Variants in HDAC10 observed in about 807,000 individuals in gnomAD.
HDAC10 encodes polyamine deacetylase HDAC10.
Under a neutral mutation model 82.3 loss-of-function variants are expected in HDAC10, and 90 were observed. The ratio of observed to expected loss-of-function variants is 1.09; its 90% CI spans 0.92 to 1.30. HDAC10 has a LOEUF of 1.30. Among genes scored for constraint, HDAC10 ranks in the 50% most tolerant of loss-of-function variants. The pLI is 0.00. For synonymous variants in HDAC10, 456 were observed against 391.7 expected (o/e 1.16, Z -1.94); for missense variants, 934 against 876.3 (o/e 1.07, Z -0.83).
At chr22:50,246,265 G>A (rs1189266646) in intron 17 of HDAC10, 33 bp downstream of exon 17, 1 of 1,595,212 alleles carries the variant, frequency 6.3e-7, no homozygotes, top group Non-Finnish European at 8.6e-7. Context: ...GGGCTCCCCA[G>A]CACCTGCCTT....
rs145761730 is a variant in HDAC10 at position 50,246,281 on chromosome 22, G to A, written c.1650+17C>T. The A allele has an allele frequency of 6.3e-5, 101 of 1,609,000 alleles. No individual in the cohort carries two copies. The African/African-American group carries it at 9.7e-4, about 16-fold the overall frequency. On this transcript the variant is annotated intron_variant, in intron 17 of 19. Transcript: ENST00000216271. ...GGCTCCCCAGCACCTGCCTTGCCGC[G>A]TGGCATGGTCACTCACCACTGGCAG...
rs760617656 is a variant in HDAC10, at chr22:50,248,008, C to T, written c.1219G>A (p.Ala407Thr). 1.9e-6 allele frequency: 3 copies of T among 1,612,766 alleles called. No homozygotes were observed. The highest frequency in any genetic ancestry group is 2.5e-6 in the Non-Finnish European group (3 of 1,179,956). Reference protein sequence around the residue: ...SLLDQPCLCPAPSVRTAVALT... With the variant: ...SLLDQPCLCPTPSVRTAVALT... ...GCAACAGCGGTGCGGACAGAGGGTG[C>T]GGGGCAGAGGCACGGCTGGTCCAGG... Residue 407 changes from alanine (A) to threonine (T), a missense_variant, in exon 13 of 20, where the codon GCA becomes ACA. By Grantham distance (58) the Ala-to-Thr change is moderately conservative (BLOSUM62 0). Transcript: ENST00000216271. This position sits in a 1 kb window ranked among gnomAD's most constrained non-coding sequence, Gnocchi z 5.4.
At chr22:50,247,588 T>C in intron 14 of HDAC10, 104 bp downstream of exon 14, 1 of 809,772 alleles carries the variant, frequency 1.2e-6, no homozygotes, top group Non-Finnish European at 2.0e-6. Flanking sequence ...TCCATGTGGT[T>C]CTGCACCACC....
At chr22:50,245,866 T>G (rs768275458) in intron 18 of HDAC10, 39 bp from the exon 19 acceptor site, 1 of 1,554,000 alleles carries the variant, frequency 6.4e-7, no homozygotes, top group South Asian at 1.2e-5. Context: ...CACTGGTCCT[T>G]TCCCTCGTCC....
intron 14 of HDAC10, 146 bp downstream of exon 14, chr22:50,247,546 G>C (rs534821060): frequency 3.3e-6 from 2 of 615,194 alleles, no homozygotes; most frequent in East Asian, 5.6e-5. Flanking sequence ...GGCTGTTCTG[G>C]GAACAGTTCC....
chr22:50,248,079 G>C lies in HDAC10; in HGVS notation c.1148C>G (p.Pro383Arg). Residue 383 changes from proline to arginine, a missense_variant, in exon 13 of 20, where the codon CCT (proline) becomes CGT (arginine). Pro to Arg is a moderately radical substitution (Grantham distance 103, BLOSUM62 -2). Transcript: ENST00000216271. This position sits in a 1 kb window ranked among gnomAD's most constrained non-coding sequence, Gnocchi z 5.4. ...AGCTGCCTTACACACTGGACCCCCA[G>C]GCAGCAGAGGTGGAGGCCTCCCCTC... ...SPEGRPPPLL[P>R]GGPVCKAAAS... The C allele has an allele frequency of 1.2e-6, 2 of 1,601,590 alleles. No homozygotes were observed. The highest frequency in any genetic ancestry group is 8.5e-7 in the Non-Finnish European group (1 of 1,172,630).
In HDAC10 at chr22:50,249,972, G is replaced by A. The variant is rs373623169; in HGVS notation, c.390-8C>T. Reference sequence around the variant, plus strand: ...CCATGGTGCCCGGGAGGCCTACGGCGTGAGAGTAGGATTTGGGTCACGTCA... The same window carrying A: ...CCATGGTGCCCGGGAGGCCTACGGCATGAGAGTAGGATTTGGGTCACGTCA... On this transcript the variant is annotated splice_region_variant and splice_polypyrimidine_tract_variant and intron_variant, in intron 4 of 19. Coordinates refer to ENST00000216271, the MANE Select transcript of HDAC10 (RefSeq NM_032019.6). This position sits in a 1 kb window ranked among gnomAD's most constrained non-coding sequence, Gnocchi z 4.4. 1.3e-4 allele frequency: 213 copies of A among 1,611,358 alleles called. 1 individual carries two copies. Among genetic ancestry groups the A allele is most frequent in the Non-Finnish European group, 1.6e-4 (190 of 1,178,786 alleles).
chr22:50,249,826 G>C lies in HDAC10; in HGVS notation c.494+34C>G. The C allele has an allele frequency of 1.2e-6, 2 of 1,605,434 alleles. No homozygotes were observed. The highest frequency in any genetic ancestry group is 1.7e-6 in the Non-Finnish European group (2 of 1,174,256). Reference sequence around the variant, plus strand: ...TGCGCTGCCCCTTGCTGTGTGGCCTGGGCCCACCCCCCTGCAGCCAGCCTG... The same window carrying C: ...TGCGCTGCCCCTTGCTGTGTGGCCTCGGCCCACCCCCCTGCAGCCAGCCTG... On this transcript the variant is annotated intron_variant, in intron 5 of 19. Transcript: ENST00000216271. The surrounding 1 kb of genome is among the most constrained non-coding windows in gnomAD (Gnocchi z 4.4).
chr22:50,248,651 TC>T lies in HDAC10; in HGVS notation c.906+10del, dbSNP rs1320267272. On this transcript the variant is annotated intron_variant, in intron 10 of 19. Coordinates refer to ENST00000216271, the MANE Select transcript of HDAC10 (RefSeq NM_032019.6). The surrounding 1 kb of genome is among the most constrained non-coding windows in gnomAD (Gnocchi z 5.4). The stretch of plus-strand genomic sequence containing the variant: ...GCCCAGAGACCCTCCCTGTGTGCCC[TC>T]CCCAGTCACCTCCAGCACGGCACAG... 2 of 1,489,284 alleles carry T rather than the reference TC, an allele frequency of 1.3e-6. No individual in the cohort carries two copies. Among genetic ancestry groups the T allele is most frequent in the East Asian group, 2.5e-5 (1 of 40,764 alleles). 92.3% of individuals were successfully genotyped at this position (1,489,284 alleles called of 1,614,324 possible).
Position 50,251,152 on chromosome 22 carries a change from G to A in HDAC10, c.-120C>T. The A allele has an allele frequency of 9.2e-7, 1 of 1,090,148 alleles. No individual in the cohort carries two copies. Among genetic ancestry groups the A allele is most frequent in the South Asian group, 1.5e-5 (1 of 66,592 alleles). The allele number at this position is 1,090,148 out of a possible 1,614,324, so 67.5% of individuals were successfully genotyped here. The stretch of plus-strand genomic sequence containing the variant: ...TGGGACCTGCCTGGGGCGCAGGCGG[G>A]CGGCGGGCACCGGCCTGGGCGGGAG... On this transcript the variant is annotated 5_prime_UTR_variant, in exon 1 of 20. Transcript: ENST00000216271.
chr22:50,245,248 C>A lies in HDAC10; in HGVS notation c.*259G>T, dbSNP rs1456720908. 1.7e-6 allele frequency: 1 copy of A among 577,886 alleles called. No individual in the cohort carries two copies. Among genetic ancestry groups the A allele is most frequent in the East Asian group, 3.0e-5 (1 of 33,236 alleles). The allele number at this position is 577,886 out of a possible 1,614,324, so 35.8% of individuals were successfully genotyped here. On this transcript the variant is annotated 3_prime_UTR_variant, in exon 20 of 20. Transcript: ENST00000216271. ...AGCGAAGCGCAGCGGGGCGCAGGGG[C>A]CGGAACGGGACCGAGCGTGGGTTGC... is the stretch of plus-strand genomic sequence containing the variant.
In HDAC10 at chr22:50,247,685, C is replaced by T. The variant is rs1201880977; in HGVS notation, c.1422+7G>A. Reference sequence around the variant, plus strand: ...CAGCATCCCCAACCCCTCCCAGGTGCTCCCACCTGCCCATCCAGCATCCCA... The same window carrying T: ...CAGCATCCCCAACCCCTCCCAGGTGTTCCCACCTGCCCATCCAGCATCCCA... On this transcript the variant is annotated splice_region_variant and intron_variant, in intron 14 of 19. Coordinates refer to ENST00000216271, the MANE Select transcript of HDAC10 (RefSeq NM_032019.6). 1 of 1,556,588 alleles carries T rather than the reference C, an allele frequency of 6.4e-7. No individual in the cohort carries two copies. Among genetic ancestry groups the T allele is most frequent in the Admixed American group, 1.8e-5 (1 of 55,948 alleles).
intron 14 of HDAC10, 130 bp downstream of exon 14, chr22:50,247,562 C>A: frequency 1.5e-6 from 1 of 675,624 alleles, no homozygotes; most frequent in Non-Finnish European, 2.5e-6. Context: ...GTTCCTGGCA[C>A]AAGGCAATGT....
intron 14 of HDAC10, chr22:50,247,216 A>G: frequency 2.4e-6 from 1 of 413,944 alleles, no homozygotes. Context: ...GTAGCTCACC[A>G]CAGCCTCAAA....
chr22:50,250,550 G>GCTCT, intron 2 of HDAC10, 27 bp from the exon 3 acceptor site: 2 of 1,582,170 alleles, frequency 1.3e-6, no homozygotes, highest in Non-Finnish European at 1.7e-6. Context: ...AGGCAGGAGA[G>GCTCT]GCAGGGTCAC....
Position 50,248,749 on chromosome 22 carries a change from C to T in HDAC10, c.819G>A (p.Gly273=), listed in dbSNP as rs41283469. 0.023 allele frequency: 36,991 copies of T among 1,583,278 alleles called. 707 individuals are homozygous for T. The highest frequency in any genetic ancestry group is 0.095 in the East Asian group (4,158 of 43,564). ...GFDSAIGDPE[G]QMQATPECFA... Reference sequence around the variant, plus strand: ...AGCACTCTGGCGTGGCCTGCATTTGCCCCTGGAACCAGAGCCATGTGTGAT... The same window carrying T: ...AGCACTCTGGCGTGGCCTGCATTTGTCCCTGGAACCAGAGCCATGTGTGAT... The change falls in exon 10 of 20, where the codon GGG becomes GGA. Residue 273 remains glycine (G), a splice_region_variant and synonymous_variant. Coordinates refer to ENST00000216271, the MANE Select transcript of HDAC10 (RefSeq NM_032019.6). This position sits in a 1 kb window ranked among gnomAD's most constrained non-coding sequence, Gnocchi z 5.4.
In HDAC10 at chr22:50,248,041, T is replaced by G; in HGVS notation, c.1186A>C (p.Ser396Arg). Residue 396 changes from serine (S) to arginine (R), a missense_variant, in exon 13 of 20, where the codon AGC becomes CGC. Coordinates refer to ENST00000216271, the MANE Select transcript of HDAC10 (RefSeq NM_032019.6). The surrounding 1 kb of genome is among the most constrained non-coding windows in gnomAD (Gnocchi z 5.4). Reference protein sequence around the residue: ...PVCKAAASAPSSLLDQPCLCP... With the variant: ...PVCKAAASAPRSLLDQPCLCP... ...AGGCACGGCTGGTCCAGGAGGGAGC[T>G]CGGTGCAGATGCAGCTGCCTTACAC... 6.2e-7 allele frequency: 1 copy of G among 1,611,696 alleles called. No individual in the cohort carries two copies.
In HDAC10 at chr22:50,248,433, T is replaced by G. The variant is rs1242111707; in HGVS notation, c.946A>C (p.Met316Leu). 8.1e-6 allele frequency: 13 copies of G among 1,608,454 alleles called. No individual in the cohort carries two copies. The highest frequency in any genetic ancestry group is 1.1e-5 in the Non-Finnish European group (13 of 1,179,858). The change falls in exon 11 of 20, where the codon ATG becomes CTG. Residue 316 changes from methionine (M) to leucine (L), a missense_variant. Transcript: ENST00000216271. This position sits in a 1 kb window ranked among gnomAD's most constrained non-coding sequence, Gnocchi z 5.4. Reference protein sequence around the residue: ...HLESLAESVCMTVQTLLGDPA... With the variant: ...HLESLAESVCLTVQTLLGDPA... ...TCACCCAGCAGCGTCTGTACTGTCA[T>G]GCACACTGACTCCGCCAGTGACTCC... is the stretch of plus-strand genomic sequence containing the variant.
Position 50,245,462 on chromosome 22 carries a change from T to C in HDAC10, c.*45A>G, listed in dbSNP as rs764144957. On this transcript the variant is annotated 3_prime_UTR_variant, in exon 20 of 20. Coordinates refer to ENST00000216271, the MANE Select transcript of HDAC10 (RefSeq NM_032019.6). ...GGATCGCGGCCGCGGGGCGCTGGCG[T>C]GCGGTGTCATTTCTGCGGTGTAAAT... 4 of 764,278 alleles carry C rather than the reference T, an allele frequency of 5.2e-6. No homozygotes were observed. Among genetic ancestry groups the C allele is most frequent in the South Asian group, 2.8e-5 (2 of 71,276 alleles). 47.3% of individuals were successfully genotyped at this position (764,278 alleles called of 1,614,324 possible).
Sources: allele counts gnomAD v4.1 joint callset, GRCh38; gene constraint gnomAD v4.1.1; non-coding constraint Gnocchi (gnomAD v3.1); transcripts MANE v1.5; gene names NCBI Gene and HGNC (gene_info 2026-07-23, HGNC 2026-07-21).